The following BLOC1S3 variants were observed in gnomAD, a reference collection of about 807,000 sequenced individuals.
BLOC1S3 encodes biogenesis of lysosomal organelles complex 1 subunit 3, also known as biogenesis of lysosome-related organelles complex 1 subunit 3.
A neutral mutation model predicts 9.1 loss-of-function variants in BLOC1S3; 7 were observed. That is an observed-to-expected ratio of 0.77 (90% CI 0.44 to 1.45). The LOEUF is 1.45. Ranked by LOEUF, BLOC1S3 falls within the 40% of genes most tolerant of loss-of-function variation. The probability of loss-of-function intolerance (pLI) is 0.01; values close to 1 mark genes in which losing one functional copy is unlikely to be tolerated. For missense variants in BLOC1S3, 307 were observed against 315.2 expected (o/e 0.97, Z 0.20); for synonymous variants, 145 against 158.4 (o/e 0.92, Z 0.64).
chr19:45,194,095 G>A (rs1417694448), intron 2 of BLOC1S3, among the ~76,000 whole-genome samples: 91 of 118,340 alleles, frequency 7.7e-4, no homozygotes, highest in African/African-American at 2.9e-3. Context: ...GAGCCACCGC[G>A]CCTGGCCTTT....
chr19:45,215,971 G>C (rs1015500192), intron 3 of BLOC1S3: 1 of 1,502,300 alleles, frequency 6.7e-7, no homozygotes, highest in South Asian at 1.3e-5. Context: ...CACGCTCACC[G>C]GCTCCCTCCC....
rs1417006109 is a variant in BLOC1S3 at position 45,179,322 on chromosome 19, G to A, written c.26G>A (p.Arg9Lys). The change falls in exon 2 of 2, where the codon AGG becomes AAG. Residue 9 changes from arginine to lysine, a missense_variant. Transcript: ENST00000433642. This position sits in a 1 kb window ranked among gnomAD's most constrained non-coding sequence, Gnocchi z 4.6. MASQGRRR[R>K]PLRRPETVVP... ...ATGGCGTCCCAGGGTCGTCGGCGGA[G>A]GCCCCTGCGGAGGCCGGAGACGGTG... 22 of 1,585,098 alleles carry A rather than the reference G, an allele frequency of 1.4e-5. No homozygotes were observed. Among genetic ancestry groups the A allele is most frequent in the Non-Finnish European group, 1.9e-5 (22 of 1,174,312 alleles).
chr19:45,184,817 G>T (rs781728953), downstream of BLOC1S3, among the ~76,000 whole-genome samples: 10 of 150,366 alleles, frequency 6.7e-5, no homozygotes, highest in East Asian at 2.0e-3. Flanking sequence ...GGAGAATGGC[G>T]TGAACCCGGG....
intron 3 of BLOC1S3, among the ~76,000 whole-genome samples, chr19:45,206,642 A>G (rs1377007951): frequency 7.0e-6 from 1 of 142,210 alleles, no homozygotes; most frequent in Non-Finnish European, 1.5e-5. Flanking sequence ...TTTTTTTTTA[A>G]TAGAGATGGT....
At chr19:45,215,806 C>T (rs957247644) in intron 3 of BLOC1S3, among the ~76,000 whole-genome samples, 3 of 152,202 alleles carry the variant, frequency 2.0e-5, no homozygotes, top group Admixed American at 6.5e-5. Flanking sequence ...TTCCTGCCTC[C>T]AGGCAGCCCT....
intron 3 of BLOC1S3, among the ~76,000 whole-genome samples, chr19:45,208,164 G>C (rs987855152): frequency 6.7e-6 from 1 of 149,430 alleles, no homozygotes; most frequent in South Asian, 2.1e-4. Context: ...TAGTAGAGAC[G>C]GGTTTTGCCA....
rs1213992154 is a variant in BLOC1S3 at position 45,179,202 on chromosome 19, G to C, written c.-9-86G>C. On this transcript the variant is annotated intron_variant, in intron 1 of 1. Transcript: ENST00000433642. The surrounding 1 kb of genome is among the most constrained non-coding windows in gnomAD (Gnocchi z 4.6). ...TGACACCAAGTCGTTAAGAGAATCA[G>C]CGAAGGGGCTGGGAATCCAGGACCT... 2.9e-6 allele frequency: 4 copies of C among 1,372,068 alleles called. No homozygotes were observed. The highest frequency in any genetic ancestry group is 3.8e-6 in the Non-Finnish European group (4 of 1,058,294). The allele number at this position is 1,372,068 out of a possible 1,614,324, so 85.0% of individuals were successfully genotyped here. A position where few individuals can be genotyped will look rare whatever the true frequency, so the allele number is the denominator to read the frequency against.
intron 2 of BLOC1S3, among the ~76,000 whole-genome samples, chr19:45,191,975 C>A (rs1001767618): frequency 1.3e-5 from 2 of 152,202 alleles, no homozygotes; most frequent in Non-Finnish European, 2.9e-5. Flanking sequence ...GAGGAGCAGA[C>A]GGCAAATCCA....
rs374135450 is a variant in BLOC1S3 at position 45,208,466 on chromosome 19, G to A, written n.282+5959G>A. On this transcript the variant is annotated intron_variant and non_coding_transcript_variant, in intron 3 of 3. Transcript: ENST00000591569. ...TGCTAAAAATACAAAAATTAGCTGGGCGTGGTGTCGGGCGTGGTGGCTCAC... is the reference window on the plus strand; with the variant it reads ...TGCTAAAAATACAAAAATTAGCTGGACGTGGTGTCGGGCGTGGTGGCTCAC... Among the ~76,000 whole-genome samples, 428 of 151,310 alleles carry A rather than the reference G, an allele frequency of 2.8e-3. 7 individuals are homozygous for A. The highest frequency in any genetic ancestry group is 9.8e-3 in the African/African-American group (406 of 41,232).
intron 2 of BLOC1S3, among the ~76,000 whole-genome samples, chr19:45,191,508 G>C (rs192613875): frequency 5.6e-4 from 85 of 152,306 alleles, no homozygotes; most frequent in African/African-American, 2.0e-3. Context: ...GCACTGAAGA[G>C]TTAGGTATTT....
intron 3 of BLOC1S3, among the ~76,000 whole-genome samples, chr19:45,207,282 G>A (rs1165611436): frequency 1.3e-5 from 2 of 150,736 alleles, no homozygotes; most frequent in African/African-American, 4.9e-5. Flanking sequence ...ACAGGTGCCC[G>A]ACACCAAGCC....
downstream of BLOC1S3, among the ~76,000 whole-genome samples, chr19:45,185,271 G>T (rs1969558548): frequency 6.6e-6 from 1 of 152,186 alleles, no homozygotes; most frequent in Non-Finnish European, 1.5e-5. Flanking sequence ...CGGGGCTGAG[G>T]CTGTCTTGGC....
intron 2 of BLOC1S3, among the ~76,000 whole-genome samples, chr19:45,197,970 T>C (rs1302082001): frequency 6.6e-6 from 1 of 151,464 alleles, no homozygotes; most frequent in Admixed American, 6.6e-5. Context: ...TATCCAACTA[T>C]CAGAGTCATG....
At chr19:45,211,373 G>C (rs1025060712) in intron 3 of BLOC1S3, among the ~76,000 whole-genome samples, 1 of 151,702 alleles carries the variant, frequency 6.6e-6, no homozygotes, top group Non-Finnish European at 1.5e-5. Flanking sequence ...GGTGGTGGAG[G>C]GGGGGCACCT....
At chr19:45,204,014 CT>C (rs111614744) in intron 3 of BLOC1S3, among the ~76,000 whole-genome samples, 9 of 145,672 alleles carry the variant, frequency 6.2e-5, no homozygotes, top group African/African-American at 1.0e-4. Context: ...CCAGTCGATT[CT>C]TTTTTTTTTG....
At chr19:45,212,084 G>C (rs1023746345) in intron 3 of BLOC1S3, among the ~76,000 whole-genome samples, 1 of 152,198 alleles carries the variant, frequency 6.6e-6, no homozygotes, top group Non-Finnish European at 1.5e-5. Flanking sequence ...GGATGGGGAG[G>C]GTGTGCCAAG....
intron 3 of BLOC1S3, among the ~76,000 whole-genome samples, chr19:45,210,289 CTTTTTTTTTTTTTT>C (rs71173125): frequency 1.3e-5 from 1 of 74,422 alleles, no homozygotes; most frequent in Admixed American, 1.5e-4. Context: ...ACTATTTTAA[CTTTTTTTTTTTTTT>C]TTTTTTTTTT....
chr19:45,206,457 T>TC (rs1969727448), intron 3 of BLOC1S3, among the ~76,000 whole-genome samples: 1 of 120,644 alleles, frequency 8.3e-6, no homozygotes, highest in African/African-American at 3.5e-5. Context: ...CAAGTTTTTT[T>TC]TTTTTTTTTT....
At position 45,179,175 on chromosome 19, in the gene BLOC1S3, GC is replaced by G; in HGVS notation, c.-9-112del. ...GAAACTGAGGCCCAGACGGGGAGCA[GC>G]TGACACCAAGTCGTTAAGAGAATCA... On this transcript the variant is annotated intron_variant, in intron 1 of 1. Transcript: ENST00000433642. The surrounding 1 kb of genome is among the most constrained non-coding windows in gnomAD (Gnocchi z 4.6). The G allele has an allele frequency of 8.1e-7, 1 of 1,241,596 alleles. No individual in the cohort carries two copies. The highest frequency in any genetic ancestry group is 1.1e-6 in the Non-Finnish European group (1 of 948,468). 76.9% of individuals were successfully genotyped at this position (1,241,596 alleles called of 1,614,324 possible). A position where few individuals can be genotyped will look rare whatever the true frequency, so the allele number is the denominator to read the frequency against.
Sources: allele counts gnomAD v4.1 joint callset (sites outside exome capture counted in the v4.1 genomes callset), GRCh38; gene constraint gnomAD v4.1.1; non-coding constraint Gnocchi (gnomAD v3.1); transcripts MANE v1.5; gene names NCBI Gene and HGNC (gene_info 2026-07-23, HGNC 2026-07-21).